TRPC4AP: variants seen among roughly 807,000 people sequenced by gnomAD.
TRPC4AP encodes the protein short transient receptor potential channel 4-associated protein.
A neutral mutation model predicts 99.0 loss-of-function variants in TRPC4AP; 45 were observed. That is an observed-to-expected ratio of 0.45 (90% confidence interval 0.36 to 0.58). The LOEUF is 0.58. TRPC4AP is among the 20% of genes least tolerant of loss of function. The pLI, the probability that TRPC4AP is intolerant of heterozygous loss-of-function variation, is 0.00. For missense variants in TRPC4AP, 879 were observed against 985.3 expected (o/e 0.89, Z 1.44); for synonymous variants, 408 against 385.8 (o/e 1.06, Z -0.67).
At chr20:35,025,062 A>G (rs1290713168) in intron 8 of TRPC4AP, among the ~76,000 whole-genome samples, 1 of 152,150 alleles carries the variant, frequency 6.6e-6, no homozygotes, top group Non-Finnish European at 1.5e-5. Context: ...ACTCTTTTCT[A>G]AAGTGGCTGC....
intron 5 of TRPC4AP, among the ~76,000 whole-genome samples, chr20:35,052,543 T>C (rs1034879322): frequency 2.6e-5 from 4 of 152,192 alleles, no homozygotes; most frequent in African/African-American, 9.7e-5. Flanking sequence ...TCACCCACGC[T>C]GGAGTGCAGT....
chr20:35,018,612 A>G (rs1317251877), intron 9 of TRPC4AP, among the ~76,000 whole-genome samples: 2 of 150,946 alleles, frequency 1.3e-5, no homozygotes, highest in Non-Finnish European at 3.0e-5. Context: ...AAGAAAAAAA[A>G]AAAAAAAAAA....
chr20:35,010,799 A>G (rs1344174822), intron 11 of TRPC4AP, among the ~76,000 whole-genome samples: 2 of 152,174 alleles, frequency 1.3e-5, no homozygotes, highest in Non-Finnish European at 2.9e-5. Context: ...ACAGGAACTG[A>G]GTCATCACAC....
In TRPC4AP at chr20:35,003,413, C is replaced by T; in HGVS notation, c.2253G>A (p.Glu751=). 5.6e-6 allele frequency: 9 copies of T among 1,613,920 alleles called. No individual in the cohort carries two copies. Among genetic ancestry groups the T allele is most frequent in the East Asian group, 2.2e-5 (1 of 44,864 alleles). ...LHKDKDSTCL[E]NSSCISFSYW... ...CCCTTGAGGGTGGGGCACTCACGTT[C>T]TCTAGGCAGGTGCTGTCCTTGTCCT... Residue 751 remains glutamate, a synonymous_variant, in exon 18 of 19, where the codon GAG becomes GAA. Transcript: ENST00000252015.
At chr20:35,086,463 GTGTGTGTGTGTGTA>G (rs1600672991) in intron 1 of TRPC4AP, among the ~76,000 whole-genome samples, 24 of 125,546 alleles carry the variant, frequency 1.9e-4, no homozygotes, top group African/African-American at 3.4e-4. Context: ...GTGTGTGTGT[GTGTGTGTGTGTGTA>G]TGTGTGTGTA....
intron 12 of TRPC4AP, 128 bp from the exon 13 acceptor site, chr20:35,008,875 GCTCCAACTGGGTC>G: frequency 3.7e-6 from 3 of 807,428 alleles, no homozygotes; most frequent in Non-Finnish European, 5.9e-6. Flanking sequence ...ATGCCTTCCT[GCTCCAACTGGGTC>G]CAGAGCCCCG....
intron 5 of TRPC4AP, 110 bp from the exon 6 acceptor site, chr20:35,050,104 T>C: frequency 5.8e-6 from 7 of 1,216,602 alleles, no homozygotes; most frequent in Non-Finnish European, 7.9e-6. Context: ...AAAACTGGCA[T>C]GAGTCAACAA....
chr20:35,055,128 C>G (rs998068809), intron 4 of TRPC4AP, 97 bp from the exon 5 acceptor site: 133 of 1,033,994 alleles, frequency 1.3e-4, no homozygotes, highest in Non-Finnish European at 1.9e-4. Context: ...TTATAATCCC[C>G]TCCAAGATGA....
chr20:35,021,150 A>C, intron 9 of TRPC4AP, 40 bp downstream of exon 9: 13 of 1,594,934 alleles, frequency 8.2e-6, no homozygotes, highest in Non-Finnish European at 1.1e-5. Flanking sequence ...CCCGGGCAGC[A>C]CCTGCTCCCC....
rs185889534 is a variant in TRPC4AP, at chr20:35,006,342, C to T, written c.1827+93G>A. The T allele has an allele frequency of 1.1e-3, 1,615 of 1,494,968 alleles. 4 individuals are homozygous for T. Among genetic ancestry groups the T allele is most frequent in the Non-Finnish European group, 1.3e-3 (1,446 of 1,090,464 alleles). 92.6% of individuals were successfully genotyped at this position (1,494,968 alleles called of 1,614,324 possible). ...GCCCAGACTCCCCCGTCGTCTCTAA[C>T]GTAAAACCTGTGCCTAAAGCCTGGC... On this transcript the variant is annotated intron_variant, in intron 15 of 18. Transcript: ENST00000252015.
intron 1 of TRPC4AP, among the ~76,000 whole-genome samples, chr20:35,078,788 A>G (rs2084550671): frequency 6.6e-6 from 1 of 152,210 alleles, no homozygotes; most frequent in South Asian, 2.1e-4. Flanking sequence ...GGAAAAGGCC[A>G]GGCACGGTGG....
intron 9 of TRPC4AP, among the ~76,000 whole-genome samples, chr20:35,020,513 TG>T (rs1024339902): frequency 3.9e-5 from 6 of 152,068 alleles, no homozygotes; most frequent in African/African-American, 1.5e-4. Flanking sequence ...ACTTGTAAAA[TG>T]GGGGTAACTG....
At position 35,092,765 on chromosome 20, in the gene TRPC4AP, A is replaced by ACCGGCGCCGCCG; in HGVS notation, c.5_16dup (p.Ala2_Pro5dup). On this transcript the variant is annotated inframe_insertion, in exon 1 of 19. Transcript: ENST00000252015. ...TCGGCCGGCTCCAGACCCAGCCGCT[A>ACCGGCGCCGCCG]CCGGCGCCGCCGCCATGTCTCCTCG... 1 of 1,541,084 alleles carries ACCGGCGCCGCCG rather than the reference A, an allele frequency of 6.5e-7. No individual in the cohort carries two copies. The highest frequency in any genetic ancestry group is 8.6e-7 in the Non-Finnish European group (1 of 1,156,130).
At chr20:35,035,395 A>T in intron 7 of TRPC4AP, 87 bp from the exon 8 acceptor site, 1 of 1,358,938 alleles carries the variant, frequency 7.4e-7, no homozygotes, top group Non-Finnish European at 1.0e-6. Flanking sequence ...TCTGCATGAT[A>T]GGAATAATTC....
intron 1 of TRPC4AP, among the ~76,000 whole-genome samples, chr20:35,080,652 G>A (rs967406477): frequency 6.6e-6 from 1 of 152,042 alleles, no homozygotes; most frequent in Non-Finnish European, 1.5e-5. Flanking sequence ...AAGATCACTG[G>A]TTGGCAAAGG....
At chr20:35,078,291 A>G (rs2084538458) in intron 1 of TRPC4AP, 117 bp from the exon 2 acceptor site, 1 of 1,045,354 alleles carries the variant, frequency 9.6e-7, no homozygotes. Context: ...TTTATCTCTA[A>G]GCACTACTAT....
intron 1 of TRPC4AP, 53 bp downstream of exon 1, chr20:35,092,560 CG>C: frequency 8.5e-6 from 12 of 1,408,548 alleles, no homozygotes; most frequent in Non-Finnish European, 1.0e-5. Context: ...CCCGGCCCCC[CG>C]CCAGCTCCCG....
Position 35,048,681 on chromosome 20 carries a change from T to C in TRPC4AP, c.657+1185A>G, listed in dbSNP as rs116753976. Among the ~76,000 whole-genome samples, 537 of 152,282 alleles carry C rather than the reference T, an allele frequency of 3.5e-3. 4 individuals are homozygous for C. Among genetic ancestry groups the C allele is most frequent in the African/African-American group, 0.012 (517 of 41,558 alleles). On this transcript the variant is annotated intron_variant, in intron 6 of 18. Transcript: ENST00000252015. ...TAATGTTTGGTGGAACACCTCGCCA[T>C]TTTGGGGTACACAAAAAGGAATGAG...
intron 1 of TRPC4AP, among the ~76,000 whole-genome samples, chr20:35,085,143 A>C (rs1038591428): frequency 6.6e-6 from 1 of 152,226 alleles, no homozygotes; most frequent in Non-Finnish European, 1.5e-5. Context: ...AAGTATGGAC[A>C]CTGAACAGCA....
Sources: gnomAD v4.1 joint callset for allele counts (sites outside exome capture counted in the v4.1 genomes callset) on GRCh38, gnomAD v4.1.1 for gene constraint, MANE v1.5 for transcripts, NCBI Gene and HGNC (gene_info 2026-07-23, HGNC 2026-07-21) for gene names.